The following SLC7A14 variants were observed in gnomAD, a reference collection of about 807,000 sequenced individuals.
The protein encoded by SLC7A14 is solute carrier family 7 member 14.
In SLC7A14, 37 loss-of-function variants were observed where a neutral mutation model predicts 60.2. That is an observed-to-expected ratio of 0.61 (90% CI 0.47 to 0.81). The LOEUF (loss-of-function observed/expected upper bound fraction) is 0.81, where lower values mean the gene tolerates loss of function less well. SLC7A14 is among the 30% of genes least tolerant of loss of function. The probability of loss-of-function intolerance (pLI) is 0.00; values close to 1 mark genes in which losing one functional copy is unlikely to be tolerated. For missense variants in SLC7A14, 886 were observed against 982.7 expected (o/e 0.90, Z 1.32); for synonymous variants, 399 against 395.8 (o/e 1.01, Z -0.10).
chr3:170,573,999 T>C (rs978876768), intron 1 of SLC7A14, among the ~76,000 whole-genome samples: 1 of 152,216 alleles, frequency 6.6e-6, no homozygotes, highest in Non-Finnish European at 1.5e-5. Flanking sequence ...CTGGGGAGCA[T>C]GGCTAGATTC....
intron 3 of SLC7A14, among the ~76,000 whole-genome samples, chr3:170,499,236 CAAAAAAAAAA>C (rs11336080): frequency 9.3e-4 from 56 of 59,922 alleles, no homozygotes; most frequent in African/African-American, 5.1e-3. Flanking sequence ...GACTCTGTCT[CAAAAAAAAAA>C]AAAAAAAAAA....
chr3:170,501,717 C>G (rs1164602452), intron 2 of SLC7A14, among the ~76,000 whole-genome samples: 1 of 152,190 alleles, frequency 6.6e-6, no homozygotes, highest in Non-Finnish European at 1.5e-5. Flanking sequence ...ATATTATGCA[C>G]AAACTTCTTC....
At chr3:170,528,463 T>C (rs903550726) in intron 1 of SLC7A14, among the ~76,000 whole-genome samples, 2 of 152,182 alleles carry the variant, frequency 1.3e-5, no homozygotes, top group African/African-American at 4.8e-5. Context: ...CTCAGGACAT[T>C]TATATAATCA....
intron 1 of SLC7A14, among the ~76,000 whole-genome samples, chr3:170,562,525 C>A (rs1242317810): frequency 1.3e-5 from 2 of 152,012 alleles, no homozygotes; most frequent in African/African-American, 4.8e-5. Flanking sequence ...TAAAAGACTA[C>A]AAATTGGGTT....
chr3:170,557,987 G>C (rs1714535163), intron 1 of SLC7A14, among the ~76,000 whole-genome samples: 1 of 152,122 alleles, frequency 6.6e-6, no homozygotes, highest in Admixed American at 6.5e-5. Context: ...GGGGAAATTG[G>C]GTTACACTAC....
At chr3:170,552,654 C>G (rs1714383176) in intron 1 of SLC7A14, among the ~76,000 whole-genome samples, 1 of 152,192 alleles carries the variant, frequency 6.6e-6, no homozygotes, top group Admixed American at 6.5e-5. Context: ...GTCAAGACAT[C>G]TCAAAAATTT....
At chr3:170,508,117 A>T (rs1162117496) in intron 2 of SLC7A14, among the ~76,000 whole-genome samples, 3 of 152,210 alleles carry the variant, frequency 2.0e-5, no homozygotes, top group African/African-American at 7.2e-5. Flanking sequence ...CTGGTAAGGG[A>T]TCATCTCTAT....
At chr3:170,533,668 T>C in intron 1 of SLC7A14, among the ~76,000 whole-genome samples, 1 of 150,814 alleles carries the variant, frequency 6.6e-6, no homozygotes. Flanking sequence ...TGTGTGTGTG[T>C]GTGTGTGTGT....
rs574079463 is a variant in SLC7A14, at chr3:170,491,912, C to T, written c.760-5544G>A. On this transcript the variant is annotated intron_variant, in intron 4 of 7. Coordinates refer to ENST00000231706, the MANE Select transcript of SLC7A14 (RefSeq NM_020949.3). ...ACACACCTACCAGGGTCAAACCAAACTTGGCCTAACAAGACATAGATGAAA... is the reference window on the plus strand; with the variant it reads ...ACACACCTACCAGGGTCAAACCAAATTTGGCCTAACAAGACATAGATGAAA... 2.0e-5 allele frequency among the ~76,000 whole-genome samples: 3 copies of T among 152,262 alleles called. No individual in the cohort carries two copies. In the South Asian group the frequency reaches 6.2e-4, roughly 32 times the overall value.
chr3:170,533,691 T>C (rs1477190640), intron 1 of SLC7A14, among the ~76,000 whole-genome samples: 6 of 151,654 alleles, frequency 4.0e-5, no homozygotes, highest in African/African-American at 1.5e-4. Context: ...TGTGTGTGTG[T>C]GCACGCACAC....
At position 170,465,233 on chromosome 3, in the gene SLC7A14, T is replaced by C. The variant is rs1416980447; in HGVS notation, c.*1822A>G. On this transcript the variant is annotated 3_prime_UTR_variant, in exon 8 of 8. Transcript: ENST00000231706. ...GGCTATGATTACGATATGTAATTTA[T>C]TTAAAGCATATTTTTTAAAAACTAG... is the stretch of plus-strand genomic sequence containing the variant. 3 of 152,264 alleles carry C rather than the reference T, an allele frequency of 2.0e-5. No individual in the cohort carries two copies. Among genetic ancestry groups the C allele is most frequent in the Admixed American group, 2.0e-4 (3 of 15,290 alleles). 9.4% of individuals were successfully genotyped at this position (152,264 alleles called of 1,614,324 possible).
intron 2 of SLC7A14, among the ~76,000 whole-genome samples, chr3:170,521,835 C>T (rs773404642): frequency 1.3e-5 from 2 of 151,870 alleles, no homozygotes; most frequent in Non-Finnish European, 2.9e-5. Context: ...GCAGAAGAGT[C>T]GCTTGAACCT....
At chr3:170,476,256 T>G (rs1040633869) in intron 7 of SLC7A14, among the ~76,000 whole-genome samples, 1 of 152,166 alleles carries the variant, frequency 6.6e-6, no homozygotes, top group African/African-American at 2.4e-5. Context: ...GTAGCTAGGG[T>G]TGAGAATCTT....
intron 1 of SLC7A14, among the ~76,000 whole-genome samples, chr3:170,571,063 C>G (rs573080250): frequency 2.6e-5 from 4 of 152,288 alleles, no homozygotes; most frequent in African/African-American, 9.6e-5. Context: ...AGTCCATCAT[C>G]CAGATTAAAC....
At chr3:170,494,055 G>A (rs186120074) in intron 4 of SLC7A14, among the ~76,000 whole-genome samples, 1 of 152,298 alleles carries the variant, frequency 6.6e-6, no homozygotes, top group East Asian at 1.9e-4. Context: ...GAACAGAAGT[G>A]CAAAAAAAGA....
At chr3:170,560,305 G>A (rs1714610391) in intron 1 of SLC7A14, among the ~76,000 whole-genome samples, 1 of 152,090 alleles carries the variant, frequency 6.6e-6, no homozygotes, top group African/African-American at 2.4e-5. Flanking sequence ...AGAAAGAAAA[G>A]CCAGAGACCT....
intron 1 of SLC7A14, among the ~76,000 whole-genome samples, chr3:170,562,387 T>C (rs2008128): frequency 0.6 from 91,312 of 151,900 alleles, 28,336 homozygotes; most frequent in African/African-American, 0.77. Flanking sequence ...GAAGTAACTC[T>C]GGAATGGAAA....
At chr3:170,490,035 C>T (rs1712166452) in intron 4 of SLC7A14, among the ~76,000 whole-genome samples, 1 of 152,066 alleles carries the variant, frequency 6.6e-6, no homozygotes, top group African/African-American at 2.4e-5. Context: ...TATTAGATAA[C>T]ATAACAGGGT....
At position 170,585,483 on chromosome 3, in the gene SLC7A14, G is replaced by T. The variant is rs1475817951; in HGVS notation, c.-153+428C>A. On this transcript the variant is annotated intron_variant, in intron 1 of 7. Transcript: ENST00000231706. This position sits in a 1 kb window ranked among gnomAD's most constrained non-coding sequence, Gnocchi z 5.1. ...TCGGTCCGAGGCGGAGAACGGAGCT[G>T]CCCGTGCGGGGTGCGCGCCAAGGCG... Among the ~76,000 whole-genome samples, 1 of 152,240 alleles carries T rather than the reference G, an allele frequency of 6.6e-6. No individual in the cohort carries two copies. Among genetic ancestry groups the T allele is most frequent in the Non-Finnish European group, 1.5e-5 (1 of 68,042 alleles).
Sources: allele counts gnomAD v4.1 joint callset (sites outside exome capture counted in the v4.1 genomes callset), GRCh38; gene constraint gnomAD v4.1.1; non-coding constraint Gnocchi (gnomAD v3.1); transcripts MANE v1.5; gene names NCBI Gene and HGNC (gene_info 2026-07-23, HGNC 2026-07-21).